Variants in PAK5 observed in about 807,000 individuals in gnomAD.
PAK5 encodes p21 (RAC1) activated kinase 5.
In PAK5, 16 loss-of-function variants were observed where a neutral mutation model predicts 65.9. The observed-to-expected ratio is 0.24, with a 90% CI of 0.16 to 0.37. The LOEUF (loss-of-function observed/expected upper bound fraction) is 0.37. Ranked by LOEUF, PAK5 falls within the 10% of genes least tolerant of loss-of-function variation. The probability of loss-of-function intolerance (pLI) is 1.00; values close to 1 mark genes in which losing one functional copy is unlikely to be tolerated. For missense variants in PAK5, 785 were observed against 903.9 expected, an observed-to-expected ratio of 0.87 and a Z score of 1.69; for synonymous variants, 371 against 354.9, an observed-to-expected ratio of 1.05 and a Z score of -0.51.
intron 2 of PAK5, among the ~76,000 whole-genome samples, chr20:9,673,360 G>T (rs1050589395): frequency 3.3e-5 from 5 of 152,118 alleles, no homozygotes; most frequent in Non-Finnish European, 5.9e-5. Flanking sequence ...CATTCCAAGA[G>T]AACTTTTTTC....
At chr20:9,575,232 T>C (rs2045865903) in intron 4 of PAK5, among the ~76,000 whole-genome samples, 1 of 152,172 alleles carries the variant, frequency 6.6e-6, no homozygotes, top group African/African-American at 2.4e-5. Flanking sequence ...TCTCACTCTG[T>C]TGCCTAGGCT....
At chr20:9,777,197 G>T (rs2048895876) in intron 1 of PAK5, among the ~76,000 whole-genome samples, 1 of 152,186 alleles carries the variant, frequency 6.6e-6, no homozygotes, top group African/African-American at 2.4e-5. Flanking sequence ...GATGAGAAAA[G>T]AGAACTGTGC....
intron 7 of PAK5, among the ~76,000 whole-genome samples, chr20:9,550,090 G>A (rs551906420): frequency 3.9e-5 from 6 of 152,182 alleles, no homozygotes; most frequent in Non-Finnish European, 5.9e-5. Context: ...GAGACACGGC[G>A]CTATAGTGTG....
intron 3 of PAK5, among the ~76,000 whole-genome samples, chr20:9,594,311 T>C (rs1477850880): frequency 6.6e-6 from 1 of 152,190 alleles, no homozygotes; most frequent in Non-Finnish European, 1.5e-5. Context: ...GTAATTAAAA[T>C]ATACATTGAA....
At chr20:9,556,129 C>A (rs1263906178) in intron 7 of PAK5, among the ~76,000 whole-genome samples, 1 of 152,318 alleles carries the variant, frequency 6.6e-6, no homozygotes, top group South Asian at 2.1e-4. Flanking sequence ...GTGGATGTAG[C>A]AAAACCTGAC....
chr20:9,729,164 G>T lies in PAK5; in HGVS notation c.-161-17729C>A, dbSNP rs2048308028. Among the ~76,000 whole-genome samples, 3 of 152,000 alleles carry T rather than the reference G, an allele frequency of 2.0e-5. No individual in the cohort carries two copies. In the South Asian group the frequency reaches 6.2e-4, roughly 32 times the overall value. On this transcript the variant is annotated intron_variant, in intron 1 of 9. Coordinates refer to ENST00000353224, the MANE Select transcript of PAK5 (RefSeq NM_177990.4). ...GCAGGAGAATGGTGTGAACCCAGGG[G>T]GTGGAGCTTGCAGTGAGCCAAAATT...
At position 9,544,513 on chromosome 20, in the gene PAK5, C is replaced by T; in HGVS notation, c.1744-19G>A. 1 of 1,611,602 alleles carries T rather than the reference C, an allele frequency of 6.2e-7. No individual in the cohort carries two copies. The highest frequency in any genetic ancestry group is 8.5e-7 in the Non-Finnish European group (1 of 1,177,742). ...ACTTTATCTGAAAAGGAAAGGAATGCAACAAACTAGCAATTTTAAAACAAT... is the reference window on the plus strand; with the variant it reads ...ACTTTATCTGAAAAGGAAAGGAATGTAACAAACTAGCAATTTTAAAACAAT... On this transcript the variant is annotated intron_variant, in intron 7 of 9. Coordinates refer to ENST00000353224, the MANE Select transcript of PAK5 (RefSeq NM_177990.4).
intron 2 of PAK5, among the ~76,000 whole-genome samples, chr20:9,694,207 G>A (rs2047836697): frequency 6.6e-6 from 1 of 151,992 alleles, no homozygotes; most frequent in African/African-American, 2.4e-5. Flanking sequence ...AACAATTTCT[G>A]AAGGTCAATT....
chr20:9,795,578 G>C (rs1235396146), intron 1 of PAK5, among the ~76,000 whole-genome samples: 1 of 152,080 alleles, frequency 6.6e-6, no homozygotes, highest in African/African-American at 2.4e-5. Context: ...GCAGTACATG[G>C]TATATAGTAG....
intron 3 of PAK5, among the ~76,000 whole-genome samples, chr20:9,612,330 CTA>C (rs1444529399): frequency 6.6e-6 from 1 of 152,170 alleles, no homozygotes; most frequent in African/African-American, 2.4e-5. Flanking sequence ...TCTCACACTG[CTA>C]TAAAGAAACA....
intron 3 of PAK5, among the ~76,000 whole-genome samples, chr20:9,622,003 A>T (rs1459327017): frequency 6.6e-6 from 1 of 152,176 alleles, no homozygotes; most frequent in Non-Finnish European, 1.5e-5. Flanking sequence ...GCCTCCTGAG[A>T]CATCTCCCTC....
chr20:9,645,743 C>A (rs190720421), intron 2 of PAK5, among the ~76,000 whole-genome samples: 1 of 152,158 alleles, frequency 6.6e-6, no homozygotes, highest in Non-Finnish European at 1.5e-5. Flanking sequence ...CTCCACCATG[C>A]CCAAGCTAAT....
intron 1 of PAK5, among the ~76,000 whole-genome samples, chr20:9,730,205 AAT>A (rs545928205): frequency 1.2e-3 from 177 of 151,958 alleles, no homozygotes; most frequent in Non-Finnish European, 2.0e-3. Context: ...TGTGTATTAA[AAT>A]ATATTAGAAG....
rs145096046 is a variant in PAK5 at position 9,716,474 on chromosome 20, A to T, written c.-161-5039T>A. ...ATTCAATATATTTGACAGAAGTAAT[A>T]CTTTGATCCAGAAAAATAAAACTAA... On this transcript the variant is annotated intron_variant, in intron 1 of 9. Coordinates refer to ENST00000353224, the MANE Select transcript of PAK5 (RefSeq NM_177990.4). 5.3e-3 allele frequency among the ~76,000 whole-genome samples: 804 copies of T among 152,320 alleles called. 4 individuals carry two copies. The highest frequency in any genetic ancestry group is 0.018 in the African/African-American group (759 of 41,570).
intron 1 of PAK5, among the ~76,000 whole-genome samples, chr20:9,743,391 C>A (rs371290041): frequency 3.0e-5 from 4 of 133,652 alleles, no homozygotes; most frequent in Admixed American, 7.6e-5. Context: ...GCAAACAAGC[C>A]AAAAAAAAAC....
chr20:9,585,615 G>C (rs142091763), intron 3 of PAK5, among the ~76,000 whole-genome samples: 14 of 152,254 alleles, frequency 9.2e-5, no homozygotes, highest in African/African-American at 3.4e-4. Context: ...CTTGCTATGT[G>C]ATTTAATTTC....
chr20:9,569,272 G>C (rs988352107), intron 4 of PAK5, among the ~76,000 whole-genome samples: 56 of 152,180 alleles, frequency 3.7e-4, no homozygotes, highest in Non-Finnish European at 6.2e-4. Flanking sequence ...TGTAAAGTTT[G>C]GGAGAGTGAT....
At chr20:9,640,074 A>G (rs965281542) in intron 3 of PAK5, among the ~76,000 whole-genome samples, 1 of 151,938 alleles carries the variant, frequency 6.6e-6, no homozygotes, top group Admixed American at 6.6e-5. Context: ...TTTTTATTAT[A>G]CTTTAAGTTT....
rs1004505045 is a variant in PAK5, at chr20:9,642,225, C to T, written c.204+1900G>A. ...TTCTAGTTCTAGATCCCTGAGGAAT[C>T]GCCACACTGACTTCCACAATGGTTG... On this transcript the variant is annotated intron_variant, in intron 3 of 9. Coordinates refer to ENST00000353224, the MANE Select transcript of PAK5 (RefSeq NM_177990.4). Among the ~76,000 whole-genome samples the T allele has an allele frequency of 8.5e-5, 13 of 152,288 alleles. No individual in the cohort carries two copies. The East Asian group carries it at 1.2e-3, about 14-fold the overall frequency.
Sources: gnomAD v4.1 joint callset for allele counts (sites outside exome capture counted in the v4.1 genomes callset) on GRCh38, gnomAD v4.1.1 for gene constraint, MANE v1.5 for transcripts, NCBI Gene and HGNC (gene_info 2026-07-23, HGNC 2026-07-21) for gene names.